CTBP2: variants seen among roughly 807,000 people sequenced by gnomAD.
The protein encoded by CTBP2 is C-terminal binding protein 2.
A neutral mutation model predicts 80.3 loss-of-function variants in CTBP2; 30 were observed. The observed-to-expected ratio is 0.37, with a 90% CI of 0.28 to 0.51. The LOEUF (loss-of-function observed/expected upper bound fraction) is 0.51. CTBP2 is among the 20% of genes least tolerant of loss of function. The pLI is 0.93. For synonymous variants in CTBP2, 594 were observed against 587.4 expected, an observed-to-expected ratio of 1.01 and a Z score of -0.16; for missense variants, 1,212 against 1,375.3, an observed-to-expected ratio of 0.88 and a Z score of 1.88.
chr10:125,082,589 C>CT (rs71486514), intron 2 of CTBP2, among the ~76,000 whole-genome samples: 38,162 of 131,010 alleles, frequency 0.29, 6,181 homozygotes, highest in East Asian at 0.52. Flanking sequence ...CAGCTTTCCT[C>CT]TTTTTTTTTT....
At chr10:125,088,533 C>T (rs148881890) in intron 2 of CTBP2, among the ~76,000 whole-genome samples, 273 of 152,252 alleles carry the variant, frequency 1.8e-3, no homozygotes, top group Non-Finnish European at 3.4e-3. Context: ...AGCCTCAGAG[C>T]ATGCCATTTA....
chr10:125,052,780 C>A (rs1963074618), intron 2 of CTBP2, among the ~76,000 whole-genome samples: 1 of 152,186 alleles, frequency 6.6e-6, no homozygotes, highest in African/African-American at 2.4e-5. Flanking sequence ...TGGCGGCAGC[C>A]CCAACACATT....
rs1951992096 is a variant in CTBP2 at position 124,984,621 on chromosome 10, A to C, written c.*4897T>G. ...AACCAGAGCAAACTGGACTTTAATCACAAAACTTCCAAGAGGTCAAAACCA... is the reference window on the plus strand; with the variant it reads ...AACCAGAGCAAACTGGACTTTAATCCCAAAACTTCCAAGAGGTCAAAACCA... On this transcript the variant is annotated 3_prime_UTR_variant, in exon 9 of 9. Transcript: ENST00000309035. The C allele has an allele frequency of 1.4e-6, 1 of 716,768 alleles. No homozygotes were observed. The highest frequency in any genetic ancestry group is 3.2e-5 in the Admixed American group (1 of 31,648). The allele number at this position is 716,768 out of a possible 1,614,324, so 44.4% of individuals were successfully genotyped here. A position where few individuals can be genotyped will look rare whatever the true frequency, so the allele number is the denominator to read the frequency against.
intron 1 of CTBP2, among the ~76,000 whole-genome samples, chr10:125,004,969 G>A (rs1198388882): frequency 2.0e-5 from 3 of 152,208 alleles, no homozygotes; most frequent in African/African-American, 4.8e-5. Context: ...GCCACTTGGT[G>A]GGGACGATGA....
At chr10:125,154,317 G>C (rs892982715) in intron 1 of CTBP2, among the ~76,000 whole-genome samples, 9 of 152,236 alleles carry the variant, frequency 5.9e-5, no homozygotes, top group South Asian at 2.1e-4. Flanking sequence ...CAAAGGCAAG[G>C]CTGGCCACCA....
At chr10:125,123,692 G>A (rs937393878) in intron 1 of CTBP2, among the ~76,000 whole-genome samples, 10 of 152,256 alleles carry the variant, frequency 6.6e-5, no homozygotes, top group African/African-American at 1.7e-4. Context: ...CAGGGGCCCC[G>A]GGGTGCATCC....
At chr10:125,074,223 TAAGG>T (rs1307092695) in intron 2 of CTBP2, among the ~76,000 whole-genome samples, 1 of 152,060 alleles carries the variant, frequency 6.6e-6, no homozygotes, top group Non-Finnish European at 1.5e-5. Context: ...ATAGTGAACA[TAAGG>T]AAGAATGTAA....
chr10:125,045,300 A>C (rs971721017), intron 2 of CTBP2, among the ~76,000 whole-genome samples: 6 of 152,198 alleles, frequency 3.9e-5, no homozygotes, highest in African/African-American at 1.4e-4. Context: ...AAAGCCACTC[A>C]GTCGATGGTA....
At chr10:125,102,063 T>C (rs1022852151) in intron 2 of CTBP2, among the ~76,000 whole-genome samples, 2 of 152,198 alleles carry the variant, frequency 1.3e-5, no homozygotes, top group African/African-American at 4.8e-5. Flanking sequence ...GTACCAGGTA[T>C]CTGTTAAGCC....
chr10:125,047,330 T>TGA (rs1232323757), intron 2 of CTBP2, among the ~76,000 whole-genome samples: 1 of 152,222 alleles, frequency 6.6e-6, no homozygotes, highest in African/African-American at 2.4e-5. Context: ...GAAGACTGGT[T>TGA]GAACAGATAA....
intron 1 of CTBP2, among the ~76,000 whole-genome samples, chr10:125,012,827 G>C (rs985348863): frequency 6.6e-6 from 1 of 152,096 alleles, no homozygotes; most frequent in South Asian, 2.1e-4. Context: ...TGATCCGCCC[G>C]CCTCGGCCTC....
chr10:125,148,987 C>T (rs1331891055), intron 1 of CTBP2, among the ~76,000 whole-genome samples: 1 of 152,178 alleles, frequency 6.6e-6, no homozygotes, highest in Non-Finnish European at 1.5e-5. Flanking sequence ...GGCTGGGAAA[C>T]AGGGTGCTGG....
chr10:125,063,727 C>T (rs578017659), intron 2 of CTBP2, among the ~76,000 whole-genome samples: 8 of 152,284 alleles, frequency 5.3e-5, no homozygotes, highest in African/African-American at 1.9e-4. Context: ...GACAGCTTTA[C>T]GGGGAATGTA....
At chr10:125,139,557 C>A (rs2133243574) in intron 1 of CTBP2, among the ~76,000 whole-genome samples, 1 of 152,178 alleles carries the variant, frequency 6.6e-6, no homozygotes, top group South Asian at 2.1e-4. Context: ...TGTTCATTAG[C>A]CCCTGTTTTT....
intron 1 of CTBP2, among the ~76,000 whole-genome samples, chr10:125,018,262 C>T (rs1294540180): frequency 3.3e-5 from 5 of 152,312 alleles, no homozygotes; most frequent in Non-Finnish European, 7.4e-5. Flanking sequence ...CAGTGGCTCA[C>T]GCCTGTAATC....
chr10:125,139,170 G>C (rs1048861255), intron 1 of CTBP2, among the ~76,000 whole-genome samples: 1 of 151,994 alleles, frequency 6.6e-6, no homozygotes, highest in East Asian at 1.9e-4. Flanking sequence ...CCAGGAGTTC[G>C]AGAGCAGCCT....
intron 2 of CTBP2, among the ~76,000 whole-genome samples, chr10:125,089,726 A>G (rs751106033): frequency 2.0e-5 from 3 of 152,228 alleles, no homozygotes; most frequent in Non-Finnish European, 4.4e-5. Flanking sequence ...CATTTCCTGC[A>G]GAGTCCTAGC....
intron 6 of CTBP2, 140 bp downstream of exon 8, chr10:124,993,715 G>C: frequency 9.0e-7 from 1 of 1,108,088 alleles, no homozygotes; most frequent in South Asian, 1.5e-5. Flanking sequence ...ATCCTTAGAA[G>C]AACAGAGACT....
chr10:125,093,919 A>G (rs917697723), intron 2 of CTBP2, among the ~76,000 whole-genome samples: 4 of 152,240 alleles, frequency 2.6e-5, no homozygotes, highest in Non-Finnish European at 5.9e-5. Flanking sequence ...AATTGAATTA[A>G]AGAGTTGCTA....
Sources: gnomAD v4.1 joint callset for allele counts (sites outside exome capture counted in the v4.1 genomes callset) on GRCh38, gnomAD v4.1.1 for gene constraint, MANE v1.5 for transcripts, NCBI Gene and HGNC (gene_info 2026-07-23, HGNC 2026-07-21) for gene names.